TENM3: variants seen among roughly 807,000 people sequenced by gnomAD.
The protein encoded by TENM3 is teneurin-3.
TENM3 carries 63 observed loss-of-function variants against 255.1 expected under a neutral mutation model. That is an observed-to-expected ratio of 0.25 (90% CI 0.20 to 0.30). The LOEUF is 0.30. Ranked by LOEUF, TENM3 falls within the 10% of genes least tolerant of loss-of-function variation. The pLI is 1.00. For missense variants in TENM3, 2,929 were observed against 3,461.1 expected (o/e 0.85, Z 3.86); for synonymous variants, 1,306 against 1,322.3 (o/e 0.99, Z 0.27).
At chr4:182,312,370 A>G (rs1174104414) in intron 1 of TENM3, among the ~76,000 whole-genome samples, 2 of 152,186 alleles carry the variant, frequency 1.3e-5, no homozygotes, top group Admixed American at 6.5e-5. Flanking sequence ...TCAAAAAATA[A>G]AGAAATAAAA....
intron 22 of TENM3, among the ~76,000 whole-genome samples, chr4:182,764,140 C>T (rs1763458593): frequency 6.6e-6 from 1 of 152,222 alleles, no homozygotes; most frequent in African/African-American, 2.4e-5. Flanking sequence ...TGCTACATTG[C>T]AAAGGCAAAC....
chr4:181,726,322 C>T, the TENM3 span, among the ~76,000 whole-genome samples: 9 of 151,996 alleles, frequency 5.9e-5, no homozygotes, highest in Admixed American at 1.3e-4. Flanking sequence ...TGTCAGAGGG[C>T]TTTATGTGTA....
At chr4:181,850,936 C>A in the TENM3 span, among the ~76,000 whole-genome samples, 4 of 152,168 alleles carry the variant, frequency 2.6e-5, no homozygotes, top group African/African-American at 9.7e-5. Flanking sequence ...TACATCACCA[C>A]TGGAGGTGAA....
At chr4:182,260,530 TATA>T (rs1347552255) in intron 1 of TENM3, among the ~76,000 whole-genome samples, 1 of 152,248 alleles carries the variant, frequency 6.6e-6, no homozygotes, top group Non-Finnish European at 1.5e-5. Context: ...AATACTTAGA[TATA>T]ATAAGAATTA....
At chr4:181,656,962 A>T in the TENM3 span, among the ~76,000 whole-genome samples, 1 of 152,252 alleles carries the variant, frequency 6.6e-6, no homozygotes, top group Admixed American at 6.5e-5. Flanking sequence ...TCTATTTTCC[A>T]GTCAAGGAAC....
chr4:181,787,276 C>CT, the TENM3 span, among the ~76,000 whole-genome samples: 3 of 151,442 alleles, frequency 2.0e-5, no homozygotes, highest in Non-Finnish European at 4.4e-5. Flanking sequence ...TAAACAAGAC[C>CT]TAAGGCCATG....
chr4:182,309,628 T>C (rs2726798), intron 1 of TENM3, among the ~76,000 whole-genome samples: 36,887 of 152,166 alleles, frequency 0.24, 4,638 homozygotes, highest in African/African-American at 0.27. Context: ...ACAATTTTTT[T>C]CTTATTTGAT....
the TENM3 span, among the ~76,000 whole-genome samples, chr4:181,820,545 C>T: frequency 3.9e-5 from 6 of 152,034 alleles, no homozygotes; most frequent in African/African-American, 1.5e-4. Context: ...CTTCACCCCT[C>T]AGCATCAGCT....
chr4:182,295,255 GCTTTT>G (rs1561291337), intron 1 of TENM3, among the ~76,000 whole-genome samples: 1,884 of 135,132 alleles, frequency 0.014, 18 homozygotes, highest in African/African-American at 0.022. Flanking sequence ...TATGTGCTTT[GCTTTT>G]CTTTTTTTTT....
chr4:182,391,206 G>T (rs771919481), intron 3 of TENM3, among the ~76,000 whole-genome samples: 3 of 151,982 alleles, frequency 2.0e-5, no homozygotes, highest in African/African-American at 7.3e-5. Flanking sequence ...TATTTGATCC[G>T]CCTGTGTAGA....
intron 2 of TENM3, among the ~76,000 whole-genome samples, chr4:182,330,705 A>G (rs1184331409): frequency 1.3e-5 from 2 of 152,240 alleles, no homozygotes; most frequent in African/African-American, 2.4e-5. Flanking sequence ...AGAAATACCA[A>G]CTGAATTAGA....
the TENM3 span, among the ~76,000 whole-genome samples, chr4:181,700,514 C>T: frequency 1.6e-4 from 24 of 152,132 alleles, no homozygotes; most frequent in African/African-American, 5.3e-4. Context: ...CAATACATTC[C>T]ATTTTGCATC....
chr4:182,523,881 A>G (rs1056345026), intron 3 of TENM3, among the ~76,000 whole-genome samples: 2 of 152,194 alleles, frequency 1.3e-5, no homozygotes, highest in Admixed American at 1.3e-4. Flanking sequence ...AATACATTTT[A>G]CTTTATTACT....
the TENM3 span, among the ~76,000 whole-genome samples, chr4:181,967,120 T>C: frequency 2.4e-4 from 36 of 152,274 alleles, no homozygotes; most frequent in South Asian, 7.3e-3. Context: ...GCTTGTCTAC[T>C]TCATCTTTTT....
intron 1 of TENM3, among the ~76,000 whole-genome samples, chr4:182,269,437 C>T (rs908504493): frequency 7.2e-5 from 11 of 152,108 alleles, no homozygotes; most frequent in East Asian, 5.8e-4. Context: ...ACTTGGTGCC[C>T]GGAAGTGACT....
At chr4:181,965,359 A>G in the TENM3 span, among the ~76,000 whole-genome samples, 13 of 152,322 alleles carry the variant, frequency 8.5e-5, no homozygotes, top group East Asian at 3.9e-4. Flanking sequence ...AACTTTTATC[A>G]TGGACGTTTT....
intron 1 of TENM3, among the ~76,000 whole-genome samples, chr4:182,264,854 G>A (rs551749771): frequency 4.0e-4 from 61 of 152,238 alleles, no homozygotes; most frequent in Non-Finnish European, 8.1e-4. Flanking sequence ...ATTAGAAGTG[G>A]ATAAACAAGC....
intron 1 of TENM3, among the ~76,000 whole-genome samples, chr4:182,218,892 T>C (rs1255278583): frequency 3.3e-5 from 5 of 152,242 alleles, no homozygotes; most frequent in Non-Finnish European, 7.3e-5. Context: ...TGTAATTCTT[T>C]ATGTCCATAC....
intron 1 of TENM3, among the ~76,000 whole-genome samples, chr4:182,227,329 T>A (rs1169918117): frequency 3.9e-5 from 6 of 152,146 alleles, no homozygotes; most frequent in Non-Finnish European, 2.9e-5. Context: ...TCACCCACAG[T>A]CATGTAGCCA....
Sources: gnomAD v4.1 joint callset for allele counts (sites outside exome capture counted in the v4.1 genomes callset) on GRCh38, gnomAD v4.1.1 for gene constraint, MANE v1.5 for transcripts, NCBI Gene and HGNC (gene_info 2026-07-23, HGNC 2026-07-21) for gene names.